FOXP1: variants seen among roughly 807,000 people sequenced by gnomAD.
FOXP1 encodes forkhead box protein P1.
A neutral mutation model predicts 98.2 loss-of-function variants in FOXP1; 15 were observed. That is an observed-to-expected ratio of 0.15 (90% CI 0.10 to 0.24). The LOEUF (loss-of-function observed/expected upper bound fraction) is 0.24, where lower values mean the gene tolerates loss of function less well. Among genes scored for constraint, FOXP1 ranks in the 10% least tolerant of loss-of-function variants. FOXP1 has a pLI of 1.00. For missense variants in FOXP1, 633 were observed against 848.5 expected (o/e 0.75, Z 3.15); for synonymous variants, 371 against 314.5 (o/e 1.18, Z -1.90).
At chr3:71,544,036 C>A (rs2045138127) in intron 2 of FOXP1, among the ~76,000 whole-genome samples, 1 of 147,868 alleles carries the variant, frequency 6.8e-6, no homozygotes, top group Non-Finnish European at 1.5e-5. Context: ...CACACATATA[C>A]ACACATATAT....
intron 3 of FOXP1, among the ~76,000 whole-genome samples, chr3:71,447,883 C>T (rs1326243015): frequency 2.0e-5 from 3 of 152,164 alleles, no homozygotes; most frequent in East Asian, 1.9e-4. Flanking sequence ...AGTATACTTA[C>T]AACTATGCAA....
intron 3 of FOXP1, among the ~76,000 whole-genome samples, chr3:71,440,506 T>C (rs1011025347): frequency 1.3e-5 from 2 of 151,962 alleles, no homozygotes; most frequent in African/African-American, 4.8e-5. Flanking sequence ...TGAAACCCCG[T>C]CTCTACTAAA....
chr3:71,297,595 C>T (rs1349419702), intron 5 of FOXP1, among the ~76,000 whole-genome samples: 1 of 148,134 alleles, frequency 6.8e-6, no homozygotes, highest in Admixed American at 6.9e-5. Flanking sequence ...ATCTTTTCTA[C>T]CACTTTTTCA....
In FOXP1 at chr3:71,354,633, T is replaced by A. The variant is rs189281010; in HGVS notation, c.-73+4517A>T. ...TCAGCACATGAAACATGAGCAAATA[T>A]AATCGGGAATCAAGGTTCTTTGCCA... On this transcript the variant is annotated intron_variant, in intron 4 of 20. Coordinates refer to ENST00000649528, the MANE Select transcript of FOXP1 (RefSeq NM_001349338.3). Among the ~76,000 whole-genome samples the A allele has an allele frequency of 1.6e-4, 25 of 152,322 alleles. No homozygotes were observed. In the East Asian group the frequency reaches 4.8e-3, roughly 29 times the overall value.
intron 3 of FOXP1, among the ~76,000 whole-genome samples, chr3:71,425,173 T>G (rs970048928): frequency 1.3e-5 from 2 of 152,148 alleles, no homozygotes; most frequent in Non-Finnish European, 2.9e-5. Flanking sequence ...TGGAGTGCAG[T>G]GGCACAATCT....
intron 3 of FOXP1, among the ~76,000 whole-genome samples, chr3:71,476,675 T>G (rs905039799): frequency 5.4e-5 from 7 of 129,930 alleles, no homozygotes; most frequent in Non-Finnish European, 1.0e-4. Context: ...TTTTTTTTTT[T>G]TGTATTTTTG....
chr3:70,985,421 C>T (rs1025078572), intron 14 of FOXP1, among the ~76,000 whole-genome samples: 1 of 151,852 alleles, frequency 6.6e-6, no homozygotes, highest in Non-Finnish European at 1.5e-5. Flanking sequence ...AAAATTTATG[C>T]AAAACATTAC....
intron 6 of FOXP1, chr3:71,197,933 C>T (rs2063391843): frequency 1.9e-6 from 3 of 1,614,080 alleles, no homozygotes; most frequent in Admixed American, 1.7e-5. Context: ...GGCTGACACA[C>T]AGGTCCACTC....
At chr3:71,577,293 T>C (rs1477202017) in intron 2 of FOXP1, among the ~76,000 whole-genome samples, 6 of 152,192 alleles carry the variant, frequency 3.9e-5, no homozygotes, top group African/African-American at 1.4e-4. Flanking sequence ...GTAAGAACAT[T>C]ATCTATGGGA....
At chr3:71,523,276 G>A (rs919973088) in intron 2 of FOXP1, among the ~76,000 whole-genome samples, 1 of 152,180 alleles carries the variant, frequency 6.6e-6, no homozygotes, top group African/African-American at 2.4e-5. Flanking sequence ...TGACACCTTT[G>A]TCTTGGACTT....
intron 6 of FOXP1, among the ~76,000 whole-genome samples, chr3:71,176,398 G>A (rs1174608958): frequency 6.6e-6 from 1 of 152,116 alleles, no homozygotes; most frequent in Non-Finnish European, 1.5e-5. Flanking sequence ...AGATTTCCGC[G>A]TTCTTAGAAG....
intron 11 of FOXP1, among the ~76,000 whole-genome samples, chr3:71,041,087 C>T (rs761801968): frequency 2.1e-4 from 32 of 152,162 alleles, no homozygotes; most frequent in African/African-American, 7.0e-4. Context: ...AGAAACTACA[C>T]GACTTCTGCC....
intron 2 of FOXP1, among the ~76,000 whole-genome samples, chr3:71,501,494 C>T (rs1402097455): frequency 6.6e-6 from 1 of 151,990 alleles, no homozygotes; most frequent in Admixed American, 6.6e-5. Flanking sequence ...AGGGTTTCAC[C>T]ATGTTGGCCA....
chr3:71,288,933 T>C (rs1298831219), intron 5 of FOXP1, among the ~76,000 whole-genome samples: 1 of 152,222 alleles, frequency 6.6e-6, no homozygotes, highest in African/African-American at 2.4e-5. Context: ...ATCAATGACT[T>C]CCATATTGAC....
At chr3:71,181,574 C>T (rs2062295705) in intron 6 of FOXP1, among the ~76,000 whole-genome samples, 1 of 152,140 alleles carries the variant, frequency 6.6e-6, no homozygotes, top group Non-Finnish European at 1.5e-5. Context: ...ATTCCTCCTG[C>T]CCTTTCCAGC....
At chr3:71,556,009 C>T (rs998878890) in intron 2 of FOXP1, among the ~76,000 whole-genome samples, 63 of 152,016 alleles carry the variant, frequency 4.1e-4, no homozygotes, top group Non-Finnish European at 8.4e-4. Context: ...GTAGAAAAAT[C>T]TGTCTTACAG....
chr3:71,290,212 C>A (rs1346253555), intron 5 of FOXP1, among the ~76,000 whole-genome samples: 1 of 152,152 alleles, frequency 6.6e-6, no homozygotes, highest in Non-Finnish European at 1.5e-5. Flanking sequence ...ATGGGAGCAC[C>A]ACCTTCTATC....
intron 6 of FOXP1, among the ~76,000 whole-genome samples, chr3:71,159,990 A>G (rs1014400009): frequency 6.6e-6 from 1 of 152,234 alleles, no homozygotes; most frequent in Non-Finnish European, 1.5e-5. Context: ...GCTAAATTCA[A>G]GCTGAACACA....
At chr3:71,316,275 C>T (rs1206818057) in intron 4 of FOXP1, among the ~76,000 whole-genome samples, 1 of 152,186 alleles carries the variant, frequency 6.6e-6, no homozygotes, top group Non-Finnish European at 1.5e-5. Context: ...TGAACACACC[C>T]TTGACCAGAA....
Sources: allele counts gnomAD v4.1 joint callset (sites outside exome capture counted in the v4.1 genomes callset), GRCh38; gene constraint gnomAD v4.1.1; transcripts MANE v1.5; gene names NCBI Gene and HGNC (gene_info 2026-07-23, HGNC 2026-07-21).